RHOBTB1: variants seen among roughly 807,000 people sequenced by gnomAD.
RHOBTB1 encodes the protein rho-related BTB domain-containing protein 1.
A neutral mutation model predicts 71.6 loss-of-function variants in RHOBTB1; 40 were observed. The observed-to-expected ratio is 0.56, with a 90% CI of 0.43 to 0.73. The LOEUF is 0.73. RHOBTB1 is among the 30% of genes least tolerant of loss of function. The probability of loss-of-function intolerance (pLI) is 0.00; values close to 1 mark genes in which losing one functional copy is unlikely to be tolerated. For synonymous variants in RHOBTB1, 319 were observed against 334.9 expected (o/e 0.95, Z 0.52); for missense variants, 797 against 894.0 (o/e 0.89, Z 1.38).
At chr10:60,895,470 T>C (rs1041498228) in intron 4 of RHOBTB1, among the ~76,000 whole-genome samples, 2 of 152,252 alleles carry the variant, frequency 1.3e-5, no homozygotes, top group Non-Finnish European at 2.9e-5. Context: ...ACTGGCATGA[T>C]CTCAGCTCAC....
chr10:60,979,888 T>C (rs974532291), intron 2 of RHOBTB1, among the ~76,000 whole-genome samples: 11 of 152,132 alleles, frequency 7.2e-5, no homozygotes. Context: ...TGAAGAAAAG[T>C]GTCCCAGACA....
intron 5 of RHOBTB1, among the ~76,000 whole-genome samples, 158 bp from the exon 6 acceptor site, chr10:60,889,343 T>C (rs779165417): frequency 9.2e-5 from 14 of 152,196 alleles, no homozygotes; most frequent in Non-Finnish European, 1.9e-4. Context: ...CTTTGAACTA[T>C]AAAGGAGTTA....
chr10:60,930,888 T>G (rs773288272), intron 2 of RHOBTB1, among the ~76,000 whole-genome samples: 6 of 152,088 alleles, frequency 3.9e-5, no homozygotes, highest in Non-Finnish European at 5.9e-5. Context: ...CTCCGACAAA[T>G]AAACGAATCT....
At chr10:60,909,244 C>T (rs949358579) in intron 4 of RHOBTB1, among the ~76,000 whole-genome samples, 1 of 152,342 alleles carries the variant, frequency 6.6e-6, no homozygotes, top group East Asian at 1.9e-4. Flanking sequence ...ATTACCACCA[C>T]ACCAGCTTTA....
At chr10:60,954,772 T>C (rs149190525) in intron 2 of RHOBTB1, among the ~76,000 whole-genome samples, 59 of 152,288 alleles carry the variant, frequency 3.9e-4, no homozygotes, top group African/African-American at 1.4e-3. Flanking sequence ...GATAAGTTGG[T>C]CAAGTAACAT....
intron 2 of RHOBTB1, among the ~76,000 whole-genome samples, chr10:60,920,956 T>G (rs11596880): frequency 0.079 from 2,681 of 34,096 alleles, 43 homozygotes; most frequent in Non-Finnish European, 0.11. Context: ...TTTTTTTTTG[T>G]TTTTTTTTTT....
In RHOBTB1 at chr10:60,888,326, T is replaced by C; in HGVS notation, c.1342A>G (p.Met448Val). ...EVLEMFDLRM[M>V]VENIMNKEAF... ...TCCTTGTTCATGATGTTTTCCACCA[T>C]CATCCTCAAATCGAACATCTCGAGG... is the stretch of plus-strand genomic sequence containing the variant. Residue 448 changes from methionine to valine, a missense_variant, in exon 6 of 11, where the codon ATG becomes GTG. Coordinates refer to ENST00000337910, the MANE Select transcript of RHOBTB1 (RefSeq NM_014836.5). 6.2e-7 allele frequency: 1 copy of C among 1,614,150 alleles called. No individual in the cohort carries two copies. Among genetic ancestry groups the C allele is most frequent in the Non-Finnish European group, 8.5e-7 (1 of 1,180,016 alleles).
intron 2 of RHOBTB1, among the ~76,000 whole-genome samples, chr10:60,956,171 G>C (rs2085585811): frequency 6.6e-6 from 1 of 152,164 alleles, no homozygotes; most frequent in South Asian, 2.1e-4. Context: ...TGTACAGCAT[G>C]TTACTGGATT....
At chr10:60,874,917 A>C (rs1031139146) in intron 9 of RHOBTB1, 37 bp downstream of exon 9, 14 of 1,355,978 alleles carry the variant, frequency 1.0e-5, no homozygotes, top group Non-Finnish European at 1.5e-5. Flanking sequence ...GAACTGATTG[A>C]ACACACTTAA....
At chr10:60,971,794 A>G (rs770413845) in intron 2 of RHOBTB1, among the ~76,000 whole-genome samples, 1 of 152,212 alleles carries the variant, frequency 6.6e-6, no homozygotes, top group Non-Finnish European at 1.5e-5. Flanking sequence ...CAATCTATCC[A>G]TCTGACAAAC....
rs1338945073 is a variant in RHOBTB1, at chr10:60,869,726, T to G, written c.*1756A>C. 1 of 152,620 alleles carries G rather than the reference T, an allele frequency of 6.6e-6. No homozygotes were observed. The highest frequency in any genetic ancestry group is 2.4e-5 in the African/African-American group (1 of 41,460). 9.5% of individuals were successfully genotyped at this position (152,620 alleles called of 1,614,324 possible). ...TTATGGTGGGATACATGTCAATTCT[T>G]CCACATCTTGTCTCCTTTCTCCTTC... On this transcript the variant is annotated 3_prime_UTR_variant, in exon 11 of 11. Transcript: ENST00000337910.
intron 8 of RHOBTB1, chr10:60,877,277 T>C (rs954434475): frequency 1.3e-5 from 2 of 152,242 alleles, no homozygotes; most frequent in African/African-American, 2.4e-5. Context: ...GAACATTTTC[T>C]AAAATAGCTT....
chr10:60,862,353 A>G, the RHOBTB1 span, among the ~76,000 whole-genome samples: 2 of 151,900 alleles, frequency 1.3e-5, no homozygotes, highest in Non-Finnish European at 2.9e-5. Flanking sequence ...GCCTGCCACT[A>G]TGCCTGGCAA....
intron 9 of RHOBTB1, among the ~76,000 whole-genome samples, chr10:60,872,970 C>T (rs1488416654): frequency 6.6e-6 from 1 of 152,198 alleles, no homozygotes; most frequent in Non-Finnish European, 1.5e-5. Flanking sequence ...TCTGTCTGTG[C>T]CCTTCTCTGA....
chr10:60,967,733 C>G (rs1201903174), intron 2 of RHOBTB1, among the ~76,000 whole-genome samples: 1 of 152,012 alleles, frequency 6.6e-6, no homozygotes, highest in African/African-American at 2.4e-5. Flanking sequence ...TTATCCATTT[C>G]TTTATTCCTT....
intron 4 of RHOBTB1, among the ~76,000 whole-genome samples, chr10:60,896,683 C>T (rs1350259964): frequency 6.6e-6 from 1 of 152,158 alleles, no homozygotes; most frequent in Non-Finnish European, 1.5e-5. Context: ...TTGCCCTTGC[C>T]CACGGAATGT....
chr10:60,893,087 G>T, intron 4 of RHOBTB1, 92 bp from the exon 5 acceptor site: 3 of 876,544 alleles, frequency 3.4e-6, no homozygotes, highest in Non-Finnish European at 1.8e-6. Flanking sequence ...TCCTTCTAAT[G>T]CCATCTCATG....
intron 4 of RHOBTB1, among the ~76,000 whole-genome samples, chr10:60,894,123 C>A (rs1003568942): frequency 6.6e-6 from 1 of 151,832 alleles, no homozygotes; most frequent in East Asian, 1.9e-4. Flanking sequence ...TAATGAGCTT[C>A]CCCCCCTACA....
intron 2 of RHOBTB1, among the ~76,000 whole-genome samples, chr10:60,969,631 GAA>G (rs1170224918): frequency 6.6e-6 from 1 of 152,022 alleles, no homozygotes; most frequent in Non-Finnish European, 1.5e-5. Context: ...AGAACAGCCT[GAA>G]TTTGGAAGGT....
Sources: allele counts gnomAD v4.1 joint callset (sites outside exome capture counted in the v4.1 genomes callset), GRCh38; gene constraint gnomAD v4.1.1; transcripts MANE v1.5; gene names NCBI Gene and HGNC (gene_info 2026-07-23, HGNC 2026-07-21).